Variants in LRRC8B observed in about 807,000 individuals in gnomAD.
LRRC8B encodes the protein volume-regulated anion channel subunit LRRC8B.
A neutral mutation model predicts 58.8 loss-of-function variants in LRRC8B; 23 were observed. The ratio of observed to expected loss-of-function variants is 0.39; its 90% confidence interval spans 0.28 to 0.55. LRRC8B has a LOEUF of 0.55. LRRC8B is among the 20% of genes least tolerant of loss of function. The pLI, the probability that LRRC8B is intolerant of heterozygous loss-of-function variation, is 0.62. For missense variants in LRRC8B, 694 were observed against 936.0 expected, an observed-to-expected ratio of 0.74 and a Z score of 3.37; for synonymous variants, 359 against 374.1, an observed-to-expected ratio of 0.96 and a Z score of 0.47.
Position 89,584,670 on chromosome 1 carries a change from C to G in LRRC8B, c.2020C>G (p.Gln674Glu), listed in dbSNP as rs1654497185. 6.2e-7 allele frequency: 1 copy of G among 1,613,970 alleles called. No homozygotes were observed. Among genetic ancestry groups the G allele is most frequent in the Non-Finnish European group, 8.5e-7 (1 of 1,179,962 alleles). The change falls in exon 5 of 6, where the codon CAG becomes GAG. Residue 674 changes from glutamine to glutamate, a missense_variant. This residue lies in a region of LRRC8B where 139 missense variants were observed against 158.2 expected (regional missense o/e 0.88). Transcript: ENST00000330947. ...DHNNIENLPL[Q>E]LFLCTKLHYL... ...TAATAATATTGAGAATCTGCCCTTG[C>G]AGCTTTTCCTATGCACTAAACTACA...
intron 1 of LRRC8B, among the ~76,000 whole-genome samples, chr1:89,550,195 C>G (rs1378659210): frequency 2.0e-5 from 3 of 152,146 alleles, no homozygotes; most frequent in Admixed American, 2.0e-4. Flanking sequence ...AATAGTAGTA[C>G]TTTTGCTTCT....
At chr1:89,525,210 C>G (rs1649574965) in intron 1 of LRRC8B, among the ~76,000 whole-genome samples, 188 bp downstream of exon 1, 1 of 152,248 alleles carries the variant, frequency 6.6e-6, no homozygotes, top group Non-Finnish European at 1.5e-5. Flanking sequence ...GTGGCCGCTT[C>G]GTTGTGCTCC....
rs370016351 is a variant in LRRC8B, at chr1:89,584,046, A to C, written c.1396A>C (p.Lys466Gln). ...TGCAGTCTCACAGCTGGTCAACCTCAAGGAGCTTCGTGTGTACCATTCATC... is the reference window on the plus strand; with the variant it reads ...TGCAGTCTCACAGCTGGTCAACCTCCAGGAGCTTCGTGTGTACCATTCATC... ...PSAVSQLVNL[K>Q]ELRVYHSSLV... The change falls in exon 5 of 6, where the codon AAG (lysine) becomes CAG (glutamine). Residue 466 changes from lysine to glutamine, a missense_variant. This residue lies in a region of LRRC8B where 162 missense variants were observed against 198.5 expected (regional missense o/e 0.82). Coordinates refer to ENST00000330947, the MANE Select transcript of LRRC8B (RefSeq NM_001369817.2). 1.7e-5 allele frequency: 28 copies of C among 1,613,754 alleles called. No homozygotes were observed. The highest frequency in any genetic ancestry group is 2.4e-5 in the Non-Finnish European group (28 of 1,179,764).
rs1339019325 is a variant in LRRC8B, at chr1:89,583,152, G to A, written c.502G>A (p.Ala168Thr). 4 of 1,613,970 alleles carry A rather than the reference G, an allele frequency of 2.5e-6. No homozygotes were observed. Among genetic ancestry groups the A allele is most frequent in the East Asian group, 4.5e-5 (2 of 44,884 alleles). Residue 168 changes from alanine to threonine, a missense_variant, in exon 5 of 6, where the codon GCC (alanine) becomes ACC (threonine). Coordinates refer to ENST00000330947, the MANE Select transcript of LRRC8B (RefSeq NM_001369817.2). The surrounding 1 kb of genome is among the most constrained non-coding windows in gnomAD (Gnocchi z 5.2). The stretch of plus-strand genomic sequence containing the variant: ...CTTCGATTCTCCATGGACCACCCGC[G>A]CCCTTTCAGAAACAGTGGCTGAGCA... ...KCFDSPWTTR[A>T]LSETVAEQSV...
chr1:89,547,407 TGTG>T (rs1177344625), intron 1 of LRRC8B, among the ~76,000 whole-genome samples: 1 of 152,190 alleles, frequency 6.6e-6, no homozygotes, highest in African/African-American at 2.4e-5. Flanking sequence ...GGGTGAGTAT[TGTG>T]GTGTTGAATC....
intron 1 of LRRC8B, among the ~76,000 whole-genome samples, chr1:89,546,931 CTGAT>C (rs1008081450): frequency 4.6e-5 from 7 of 152,146 alleles, no homozygotes; most frequent in Admixed American, 6.6e-5. Context: ...CTTGTGAAAA[CTGAT>C]TGTTGTGTTA....
intron 1 of LRRC8B, among the ~76,000 whole-genome samples, chr1:89,557,474 A>G (rs896713375): frequency 1.3e-5 from 2 of 152,326 alleles, no homozygotes; most frequent in East Asian, 1.9e-4. Flanking sequence ...GAGTGCTTCC[A>G]TGATATTTAT....
chr1:89,566,187 G>A (rs1430031379), intron 1 of LRRC8B, among the ~76,000 whole-genome samples: 3 of 152,110 alleles, frequency 2.0e-5, no homozygotes, highest in Non-Finnish European at 2.9e-5. Context: ...TCAAAGAATC[G>A]CAGGCAATAG....
At chr1:89,534,719 TA>T (rs1650403397) in intron 1 of LRRC8B, among the ~76,000 whole-genome samples, 1 of 152,204 alleles carries the variant, frequency 6.6e-6, no homozygotes, top group Non-Finnish European at 1.5e-5. Context: ...GCCATATAAA[TA>T]TATGGGAATG....
intron 4 of LRRC8B, among the ~76,000 whole-genome samples, chr1:89,581,273 CAAAAAAAAAAAA>C (rs5776023): frequency 4.1e-5 from 3 of 72,558 alleles, no homozygotes; most frequent in African/African-American, 1.2e-4. Context: ...GACTCCGTCT[CAAAAAAAAAAAA>C]AAAAAAAAAA....
chr1:89,596,486 A>G lies in LRRC8B; in HGVS notation c.*3443A>G, dbSNP rs1655311844. 1.3e-5 allele frequency: 2 copies of G among 152,092 alleles called. No individual in the cohort carries two copies. 9.4% of individuals were successfully genotyped at this position (152,092 alleles called of 1,614,324 possible). A position where few individuals can be genotyped will look rare whatever the true frequency, so the allele number is the denominator to read the frequency against. Reference sequence around the variant, plus strand: ...ATAGTGAAAAATTTTTTTTCGGTTCAAGTGTTTTGTGATTAAAATTTTATG... The same window carrying G: ...ATAGTGAAAAATTTTTTTTCGGTTCGAGTGTTTTGTGATTAAAATTTTATG... On this transcript the variant is annotated 3_prime_UTR_variant, in exon 6 of 6. Coordinates refer to ENST00000330947, the MANE Select transcript of LRRC8B (RefSeq NM_001369817.2).
rs1180722896 is a variant in LRRC8B, at chr1:89,557,434, T to C, written c.-240-10813T>C. ...TAGGTTTCTTTATAAGAGTTCTCTT[T>C]TGCATCTGTTTGCTACTGCAATGAT... is the stretch of plus-strand genomic sequence containing the variant. On this transcript the variant is annotated intron_variant, in intron 1 of 5. Transcript: ENST00000330947. 3.3e-5 allele frequency among the ~76,000 whole-genome samples: 5 copies of C among 152,350 alleles called. No individual in the cohort carries two copies. The East Asian group carries it at 9.6e-4, about 29-fold the overall frequency.
intron 1 of LRRC8B, chr1:89,549,971 G>C (rs1332931363): frequency 6.6e-6 from 1 of 152,082 alleles, no homozygotes; most frequent in Non-Finnish European, 1.5e-5. Flanking sequence ...ATGGCCCACA[G>C]GTACTGCAAA....
chr1:89,582,973 T>C lies in LRRC8B; in HGVS notation c.323T>C (p.Val108Ala), dbSNP rs867696902. 9 of 1,614,060 alleles carry C rather than the reference T, an allele frequency of 5.6e-6. No individual in the cohort carries two copies. The African/African-American group carries it at 1.2e-4, about 22-fold the overall frequency. The change falls in exon 5 of 6, where the codon GTC becomes GCC. Residue 108 changes from valine (V) to alanine (A), a missense_variant. Physicochemically the swap from Val to Ala is moderately conservative, Grantham distance 64. This residue lies in a region of LRRC8B where 316 missense variants were observed against 403.8 expected (regional missense o/e 0.78). Coordinates refer to ENST00000330947, the MANE Select transcript of LRRC8B (RefSeq NM_001369817.2). The stretch of plus-strand genomic sequence containing the variant: ...CAGCAGTACTCCTATATTGATGCCG[T>C]CTGTTACGAGAAACAGCTCCATTGG... ...HRQQYSYIDAVCYEKQLHWFA... is the reference protein window; with the variant it reads ...HRQQYSYIDAACYEKQLHWFA...
intron 1 of LRRC8B, among the ~76,000 whole-genome samples, chr1:89,565,514 C>T (rs1652980287): frequency 6.6e-6 from 1 of 152,214 alleles, no homozygotes; most frequent in African/African-American, 2.4e-5. Flanking sequence ...GACTTAGCCT[C>T]TGCTTCTGAA....
At chr1:89,562,986 TATG>T (rs1460394204) in intron 1 of LRRC8B, among the ~76,000 whole-genome samples, 1 of 152,168 alleles carries the variant, frequency 6.6e-6, no homozygotes, top group Non-Finnish European at 1.5e-5. Context: ...TAGTAGTTAT[TATG>T]GTAACCTATG....
At chr1:89,556,865 C>G (rs984072844) in intron 1 of LRRC8B, among the ~76,000 whole-genome samples, 2 of 152,200 alleles carry the variant, frequency 1.3e-5, no homozygotes, top group African/African-American at 4.8e-5. Context: ...TCTGAATGCT[C>G]TTGCCCAATG....
In LRRC8B at chr1:89,584,636, T is replaced by C. The variant is rs762132168; in HGVS notation, c.1986T>C (p.Ser662=). Residue 662 remains serine, a synonymous_variant, in exon 5 of 6, where the codon TCT becomes TCC. Coordinates refer to ENST00000330947, the MANE Select transcript of LRRC8B (RefSeq NM_001369817.2). ...IGALSNLEQL[S]LDHNNIENLP... is the part of the protein sequence containing the mutation. ...CATTATCTAACCTAGAGCAGCTCTC[T>C]TTGGACCATAATAATATTGAGAATC... 4.3e-6 allele frequency: 7 copies of C among 1,614,100 alleles called. No homozygotes were observed. The highest frequency in any genetic ancestry group is 3.3e-5 in the Admixed American group (2 of 60,034).
chr1:89,584,865 T>G, intron 5 of LRRC8B, 76 bp downstream of exon 5: 1 of 1,041,754 alleles, frequency 9.6e-7, no homozygotes, highest in Non-Finnish European at 1.4e-6. Context: ...GAAAACACAC[T>G]TCAAATCATA....
Sources: allele counts gnomAD v4.1 joint callset (sites outside exome capture counted in the v4.1 genomes callset), GRCh38; gene constraint gnomAD v4.1.1; regional missense constraint gnomAD v4.1.1; non-coding constraint Gnocchi (gnomAD v3.1); transcripts MANE v1.5; gene names NCBI Gene and HGNC (gene_info 2026-07-23, HGNC 2026-07-21).